The following ZNF804A variants were observed in gnomAD, a reference collection of about 807,000 sequenced individuals.
ZNF804A encodes zinc finger protein 804A.
A neutral mutation model predicts 16.5 loss-of-function variants in ZNF804A; 2 were observed. The ratio of observed to expected loss-of-function variants is 0.12; its 90% CI spans 0.05 to 0.38. ZNF804A has a LOEUF of 0.38. Among genes scored for constraint, ZNF804A ranks in the 10% least tolerant of loss-of-function variants. The probability of loss-of-function intolerance (pLI) is 0.99; values close to 1 mark genes in which losing one functional copy is unlikely to be tolerated. For synonymous variants in ZNF804A, 534 were observed against 489.6 expected, an observed-to-expected ratio of 1.09 and a Z score of -1.20; for missense variants, 1,473 against 1,390.7, an observed-to-expected ratio of 1.06 and a Z score of -0.94.
intron 2 of ZNF804A, among the ~76,000 whole-genome samples, chr2:184,927,007 T>C (rs975240886): frequency 3.9e-5 from 6 of 152,224 alleles, no homozygotes; most frequent in African/African-American, 1.4e-4. Flanking sequence ...TGGTCCATCA[T>C]GTCTTATTTG....
chr2:184,913,628 G>A (rs1013280263), intron 2 of ZNF804A, among the ~76,000 whole-genome samples: 2 of 152,056 alleles, frequency 1.3e-5, no homozygotes, highest in South Asian at 2.1e-4. Context: ...TCTTTTCCTC[G>A]ATTCAGTGAT....
In ZNF804A at chr2:184,936,219, A is replaced by T; in HGVS notation, c.823A>T (p.Thr275Ser). Residue 275 changes from threonine to serine, a missense_variant, in exon 4 of 4, where the codon ACT becomes TCT. By Grantham distance (58) the Thr-to-Ser change is moderately conservative. Coordinates refer to ENST00000302277, the MANE Select transcript of ZNF804A (RefSeq NM_194250.2). Reference sequence around the variant, plus strand: ...TGTGCTTTTGAGTTCTGAGGAGAAAACTAACTCTTTTCATCCACCAGAGGC... The same window carrying T: ...TGTGCTTTTGAGTTCTGAGGAGAAATCTAACTCTTTTCATCCACCAGAGGC... ...TDVLLSSEEK[T>S]NSFHPPEAMC... 1 of 1,614,034 alleles carries T rather than the reference A, an allele frequency of 6.2e-7. No homozygotes were observed. Among genetic ancestry groups the T allele is most frequent in the Non-Finnish European group, 8.5e-7 (1 of 1,179,956 alleles).
intron 1 of ZNF804A, among the ~76,000 whole-genome samples, chr2:184,682,431 A>G (rs1207319716): frequency 2.0e-5 from 3 of 152,308 alleles, no homozygotes; most frequent in East Asian, 1.9e-4. Flanking sequence ...CAGTTATACA[A>G]TCAGCCCTTG....
At chr2:184,685,370 CAG>C (rs1309634447) in intron 1 of ZNF804A, among the ~76,000 whole-genome samples, 1 of 152,078 alleles carries the variant, frequency 6.6e-6, no homozygotes, top group Non-Finnish European at 1.5e-5. Context: ...CAAAGGGCCG[CAG>C]CTCTTCTCTC....
chr2:184,801,331 A>G (rs1022928012), intron 1 of ZNF804A, among the ~76,000 whole-genome samples: 3 of 152,016 alleles, frequency 2.0e-5, no homozygotes, highest in African/African-American at 7.2e-5. Context: ...GAGATTTGTT[A>G]TCTGTCAAAA....
At chr2:184,761,004 CT>C (rs1559143636) in intron 1 of ZNF804A, among the ~76,000 whole-genome samples, 1 of 152,070 alleles carries the variant, frequency 6.6e-6, no homozygotes, top group African/African-American at 2.4e-5. Context: ...GGTCATATAA[CT>C]AAAACTACAT....
intron 1 of ZNF804A, among the ~76,000 whole-genome samples, chr2:184,719,861 T>A (rs759824565): frequency 1.3e-5 from 2 of 152,214 alleles, no homozygotes; most frequent in Non-Finnish European, 2.9e-5. Flanking sequence ...TGTTCCAACC[T>A]CTGCCTCTTA....
intron 2 of ZNF804A, among the ~76,000 whole-genome samples, chr2:184,883,154 A>T (rs1200509468): frequency 6.6e-6 from 1 of 151,962 alleles, no homozygotes; most frequent in Non-Finnish European, 1.5e-5. Context: ...TACTATAAAC[A>T]TCTGTGTCCA....
intron 1 of ZNF804A, among the ~76,000 whole-genome samples, chr2:184,696,536 A>G (rs1326050163): frequency 2.6e-5 from 4 of 152,306 alleles, no homozygotes; most frequent in Admixed American, 6.5e-5. Flanking sequence ...CACCTTACAC[A>G]TATAAATTAT....
intron 1 of ZNF804A, among the ~76,000 whole-genome samples, chr2:184,750,821 C>G (rs1242953491): frequency 6.6e-6 from 1 of 151,284 alleles, no homozygotes; most frequent in Admixed American, 6.6e-5. Context: ...CCTGATACCT[C>G]CATGTACCAC....
intron 1 of ZNF804A, among the ~76,000 whole-genome samples, chr2:184,644,277 A>G (rs1245545247): frequency 6.6e-6 from 1 of 151,708 alleles, no homozygotes; most frequent in Non-Finnish European, 1.5e-5. Context: ...CATGGCATTG[A>G]AGTGCAATTG....
At chr2:184,834,436 C>A (rs1475047280) in intron 1 of ZNF804A, among the ~76,000 whole-genome samples, 10 of 152,068 alleles carry the variant, frequency 6.6e-5, no homozygotes, top group African/African-American at 2.2e-4. Context: ...GACTGAAAAT[C>A]TGGGAGCTAG....
chr2:184,629,735 T>C (rs961771380), intron 1 of ZNF804A, among the ~76,000 whole-genome samples: 2 of 152,154 alleles, frequency 1.3e-5, no homozygotes, highest in African/African-American at 2.4e-5. Context: ...CTATTGCAAA[T>C]AACTGTACTG....
At chr2:184,696,776 T>C (rs940240083) in intron 1 of ZNF804A, among the ~76,000 whole-genome samples, 3 of 152,078 alleles carry the variant, frequency 2.0e-5, no homozygotes, top group Admixed American at 6.6e-5. Flanking sequence ...TATTCCTGTG[T>C]TCTTGCTGTG....
chr2:184,693,804 A>T (rs972183578), intron 1 of ZNF804A, among the ~76,000 whole-genome samples: 1 of 151,904 alleles, frequency 6.6e-6, no homozygotes, highest in African/African-American at 2.4e-5. Context: ...GCTCCATATA[A>T]TGTCAGCTTG....
chr2:184,679,854 C>A (rs1047737934), intron 1 of ZNF804A, among the ~76,000 whole-genome samples: 1 of 152,108 alleles, frequency 6.6e-6, no homozygotes, highest in Non-Finnish European at 1.5e-5. Flanking sequence ...AGGTTAATGG[C>A]GGCAGGGAGC....
intron 1 of ZNF804A, among the ~76,000 whole-genome samples, chr2:184,780,069 T>G (rs796198832): frequency 1.3e-5 from 2 of 151,946 alleles, no homozygotes; most frequent in African/African-American, 4.8e-5. Context: ...GTGTATATAC[T>G]GACTGTATGT....
chr2:184,908,150 A>G (rs1685306556), intron 2 of ZNF804A, among the ~76,000 whole-genome samples: 2 of 152,176 alleles, frequency 1.3e-5, no homozygotes. Flanking sequence ...TCCTAAAGGC[A>G]AGGTGTCAGC....
At chr2:184,696,808 T>C (rs1390765225) in intron 1 of ZNF804A, among the ~76,000 whole-genome samples, 1 of 152,082 alleles carries the variant, frequency 6.6e-6, no homozygotes, top group East Asian at 1.9e-4. Flanking sequence ...TACATAATTG[T>C]AATCAAATGG....
Sources: gnomAD v4.1 joint callset for allele counts (sites outside exome capture counted in the v4.1 genomes callset) on GRCh38, gnomAD v4.1.1 for gene constraint, MANE v1.5 for transcripts, NCBI Gene and HGNC (gene_info 2026-07-23, HGNC 2026-07-21) for gene names.